Variants in LAMP3 observed in about 807,000 individuals in gnomAD.
The protein encoded by LAMP3 is lysosome-associated membrane glycoprotein 3.
Under a neutral mutation model 34.8 loss-of-function variants are expected in LAMP3, and 26 were observed. The ratio of observed to expected loss-of-function variants is 0.75; its 90% confidence interval spans 0.55 to 1.04. The LOEUF (loss-of-function observed/expected upper bound fraction) is 1.04. Ranked by LOEUF, LAMP3 falls within the 50% of genes least tolerant of loss-of-function variation. The probability of loss-of-function intolerance (pLI) is 0.00; values close to 1 mark genes in which losing one functional copy is unlikely to be tolerated. For synonymous variants in LAMP3, 180 were observed against 201.9 expected, an observed-to-expected ratio of 0.89 and a Z score of 0.92; for missense variants, 495 against 524.0, an observed-to-expected ratio of 0.94 and a Z score of 0.54.
chr3:183,157,499 A>G (rs1040832922), intron 1 of LAMP3, among the ~76,000 whole-genome samples: 2 of 152,230 alleles, frequency 1.3e-5, no homozygotes, highest in African/African-American at 4.8e-5. Context: ...CGAAAGCCCC[A>G]TTAGATTCAT....
intron 4 of LAMP3, among the ~76,000 whole-genome samples, chr3:183,137,823 CTT>C (rs1312008157): frequency 7.7e-5 from 11 of 142,870 alleles, no homozygotes; most frequent in Non-Finnish European, 3.1e-5. Flanking sequence ...TTCCCCCCAC[CTT>C]TTTTTTTTTT....
intron 1 of LAMP3, among the ~76,000 whole-genome samples, chr3:183,154,664 T>C (rs374186385): frequency 1.3e-5 from 2 of 152,182 alleles, no homozygotes; most frequent in East Asian, 3.8e-4. Context: ...GGTGTGGTAC[T>C]AATACACGCC....
At position 183,157,735 on chromosome 3, in the gene LAMP3, G is replaced by C. The variant is rs577971194; in HGVS notation, c.50-3344C>G. Reference sequence around the variant, plus strand: ...TGAGTTCAGTTTCCTAAACTCAGTAGTGCACCCTTAAAAAAAACAAAAAAA... The same window carrying C: ...TGAGTTCAGTTTCCTAAACTCAGTACTGCACCCTTAAAAAAAACAAAAAAA... On this transcript the variant is annotated intron_variant, in intron 1 of 5. Transcript: ENST00000265598. 3.4e-5 allele frequency among the ~76,000 whole-genome samples: 5 copies of C among 148,754 alleles called. No homozygotes were observed. In the South Asian group the frequency reaches 1.0e-3, roughly 31 times the overall value.
intron 1 of LAMP3, among the ~76,000 whole-genome samples, chr3:183,154,937 CAG>C (rs1249135151): frequency 1.3e-5 from 2 of 152,152 alleles, no homozygotes; most frequent in South Asian, 2.1e-4. Context: ...TTTTTTGAGA[CAG>C]AGTCTTGCTC....
chr3:183,128,145 C>A (rs1451033935), intron 5 of LAMP3, among the ~76,000 whole-genome samples: 1 of 45,536 alleles, frequency 2.2e-5, no homozygotes, highest in Non-Finnish European at 5.8e-5. Context: ...GACACTCCAT[C>A]TCAAAAAAAA....
At chr3:183,154,599 T>C (rs1318451905) in intron 1 of LAMP3, among the ~76,000 whole-genome samples, 1 of 152,214 alleles carries the variant, frequency 6.6e-6, no homozygotes, top group Non-Finnish European at 1.5e-5. Context: ...GTTGTATCCA[T>C]GCCTTTTACA....
chr3:183,132,117 C>T (rs1719942949), intron 5 of LAMP3: 1 of 985,184 alleles, frequency 1.0e-6, no homozygotes, highest in Non-Finnish European at 1.2e-6. Context: ...AAAAAAGTAG[C>T]TAAGAAGGCA....
rs772425004 is a variant in LAMP3 at position 183,153,860 on chromosome 3, G to T, written c.581C>A (p.Thr194Lys). The T allele has an allele frequency of 5.0e-6, 8 of 1,612,838 alleles. No individual in the cohort carries two copies. Among genetic ancestry groups the T allele is most frequent in the South Asian group, 4.4e-5 (4 of 90,918 alleles). ...GGTGGTATTGTGGGCAGCTGCCGTT[G>T]TTCCTGGGGCATGGGTGGGTTGAAC... ...KPVQPTHAPG[T>K]TAAAHNTTRT... is the part of the protein sequence containing the mutation. Residue 194 changes from threonine to lysine, a missense_variant, in exon 2 of 6, where the codon ACA (threonine) becomes AAA (lysine). Thr to Lys is a moderately conservative substitution (Grantham distance 78). Coordinates refer to ENST00000265598, the MANE Select transcript of LAMP3 (RefSeq NM_014398.4).
At chr3:183,162,789 G>C (rs1487713530), upstream of LAMP3, 1 of 815,778 alleles carries the variant, frequency 1.2e-6, no homozygotes, top group Non-Finnish European at 1.8e-6. Context: ...CCCGCCCAGG[G>C]CCGCTGGGCG....
chr3:183,137,929 C>T (rs566414760), intron 4 of LAMP3, among the ~76,000 whole-genome samples: 1 of 151,748 alleles, frequency 6.6e-6, no homozygotes, highest in Admixed American at 6.6e-5. Flanking sequence ...AAGCAATTCT[C>T]CTGCCTCAGA....
intron 3 of LAMP3, among the ~76,000 whole-genome samples, chr3:183,147,438 C>G (rs1037397383): frequency 2.6e-5 from 4 of 152,034 alleles, no homozygotes; most frequent in Non-Finnish European, 4.4e-5. Flanking sequence ...CTTTTGTCTC[C>G]CAATTTCTGA....
At chr3:183,161,553 GC>G (rs2108617173) in intron 1 of LAMP3, among the ~76,000 whole-genome samples, 1 of 152,092 alleles carries the variant, frequency 6.6e-6, no homozygotes, top group African/African-American at 2.4e-5. Flanking sequence ...ACCATGCCCG[GC>G]TAATTTCTGT....
In LAMP3 at chr3:183,144,816, G is replaced by A. The variant is rs545707240; in HGVS notation, c.889-4221C>T. 3.4e-3 allele frequency among the ~76,000 whole-genome samples: 512 copies of A among 152,336 alleles called. 2 individuals are homozygous for A. Among genetic ancestry groups the A allele is most frequent in the Non-Finnish European group, 6.0e-3 (408 of 68,024 alleles). ...GCTACTCAGGAGACTGAGAGGTGGAGGATCACTTGAGTCCAGGAGGCTGAG... is the reference window on the plus strand; with the variant it reads ...GCTACTCAGGAGACTGAGAGGTGGAAGATCACTTGAGTCCAGGAGGCTGAG... On this transcript the variant is annotated intron_variant, in intron 3 of 5. Transcript: ENST00000265598.
rs1038208549 is a variant in LAMP3, at chr3:183,123,705, A to G, written c.*376T>C. 9.0e-5 allele frequency: 17 copies of G among 189,868 alleles called. No individual in the cohort carries two copies. The East Asian group carries it at 2.9e-3, about 33-fold the overall frequency. 11.8% of individuals were successfully genotyped at this position (189,868 alleles called of 1,614,324 possible). A position where few individuals can be genotyped will look rare whatever the true frequency, so the allele number is the denominator to read the frequency against. ...CAAAGGCTTTGTTAAGATCAAGGGT[A>G]AAATAAAATCTTCAATGCACACACA... On this transcript the variant is annotated 3_prime_UTR_variant, in exon 6 of 6. Transcript: ENST00000265598.
chr3:183,149,166 G>A (rs1720534717), intron 3 of LAMP3, among the ~76,000 whole-genome samples: 1 of 151,922 alleles, frequency 6.6e-6, no homozygotes, highest in African/African-American at 2.4e-5. Flanking sequence ...TGGAGATAGA[G>A]AGTAGAATGA....
intron 2 of LAMP3, among the ~76,000 whole-genome samples, chr3:183,153,297 G>A (rs1398376839): frequency 6.6e-6 from 1 of 151,676 alleles, no homozygotes; most frequent in African/African-American, 2.4e-5. Context: ...TGTCAAAACT[G>A]CCCGGAACCA....
chr3:183,149,324 G>A (rs894060278), intron 3 of LAMP3, among the ~76,000 whole-genome samples: 5 of 151,532 alleles, frequency 3.3e-5, no homozygotes, highest in Non-Finnish European at 7.4e-5. Flanking sequence ...GGCGGATCAC[G>A]AGGTCAAGAG....
intron 4 of LAMP3, among the ~76,000 whole-genome samples, chr3:183,136,103 A>G (rs1316618818): frequency 6.6e-6 from 1 of 152,104 alleles, no homozygotes; most frequent in Non-Finnish European, 1.5e-5. Flanking sequence ...ACCTCACATA[A>G]ACTGGAATGC....
At chr3:183,153,640 AC>A (rs1720725584) in intron 2 of LAMP3, 41 bp downstream of exon 2, 1 of 1,395,654 alleles carries the variant, frequency 7.2e-7, no homozygotes. Flanking sequence ...CTCCACTCAG[AC>A]TTTTTGAAGA....
Sources: gnomAD v4.1 joint callset for allele counts (sites outside exome capture counted in the v4.1 genomes callset) on GRCh38, gnomAD v4.1.1 for gene constraint, MANE v1.5 for transcripts, NCBI Gene and HGNC (gene_info 2026-07-23, HGNC 2026-07-21) for gene names.